AK9: variants seen among roughly 807,000 people sequenced by gnomAD.
The protein encoded by AK9 is adenylate kinase 9, also known as adenylate kinase domain containing 1.
A neutral mutation model predicts 239.6 loss-of-function variants in AK9; 191 were observed. The observed-to-expected ratio is 0.80, with a 90% CI of 0.71 to 0.90. The LOEUF is 0.90. Ranked by LOEUF, AK9 falls within the 40% of genes least tolerant of loss-of-function variation. The pLI is 0.00. For synonymous variants in AK9, 689 were observed against 721.0 expected (o/e 0.96, Z 0.71); for missense variants, 1,995 against 2,214.7 (o/e 0.90, Z 1.99).
intron 13 of AK9, 98 bp from the exon 14 acceptor site, chr6:109,614,578 G>T: frequency 2.1e-6 from 2 of 937,552 alleles, no homozygotes. Flanking sequence ...AGACACAGTT[G>T]AGTTTCAGTT....
At chr6:109,632,518 G>A (rs1038536581) in intron 12 of AK9, 2 of 241,290 alleles carry the variant, frequency 8.3e-6, no homozygotes, top group African/African-American at 4.6e-5. Flanking sequence ...AAGGTGTTGG[G>A]AGGATCATCT....
In AK9 at chr6:109,579,565, T is replaced by A. The variant is rs778016477; in HGVS notation, c.2176A>T (p.Lys726Ter). The A allele has an allele frequency of 3.9e-6, 6 of 1,551,494 alleles. No individual in the cohort carries two copies. The Admixed American group carries it at 5.9e-5, about 15-fold the overall frequency. Residue 726 changes from lysine (K) to a stop codon, truncating the protein, a stop_gained, in exon 20 of 41, where the codon AAA (lysine) becomes TAA (stop). Transcript: ENST00000424296. LOFTEE classifies it high-confidence loss of function. The part of the protein sequence containing the change: ...EENRRLLELM[K>*]VKAKEAEETD... ...CTGTGCTTGCCTTTTGCCTTCACTT[T>A]CATAAGTTCCAGTAGCCTTCGATTT...
intron 17 of AK9, 54 bp downstream of exon 17, chr6:109,610,311 T>C (rs553633607): frequency 2.3e-5 from 35 of 1,513,590 alleles, no homozygotes; most frequent in Non-Finnish European, 3.1e-5. Flanking sequence ...TAGATTAACA[T>C]TTTCTCAGTA....
intron 10 of AK9, among the ~76,000 whole-genome samples, chr6:109,636,749 A>ATC (rs1348417484): frequency 2.6e-5 from 1 of 38,714 alleles, no homozygotes; most frequent in Non-Finnish European, 4.7e-5. Context: ...ATAATATTCC[A>ATC]TCACACACAC....
chr6:109,576,974 G>A (rs953853222), intron 20 of AK9, among the ~76,000 whole-genome samples: 2 of 152,050 alleles, frequency 1.3e-5, no homozygotes, highest in Non-Finnish European at 2.9e-5. Context: ...GGGACTACAG[G>A]CACCCGCCAC....
chr6:109,509,102 G>A lies in AK9; in HGVS notation c.4481+77C>T, dbSNP rs191978134. The A allele has an allele frequency of 4.0e-5, 55 of 1,360,660 alleles. No homozygotes were observed. In the East Asian group the frequency reaches 1.3e-3, roughly 32 times the overall value. 84.3% of individuals were successfully genotyped at this position (1,360,660 alleles called of 1,614,324 possible). A position where few individuals can be genotyped will look rare whatever the true frequency, so the allele number is the denominator to read the frequency against. On this transcript the variant is annotated intron_variant, in intron 33 of 40. Transcript: ENST00000424296. ...TATAAGAGCTTTAAGCCCCATGTAA[G>A]TGTTTTAAATCACGAGCGAGCAGTT...
chr6:109,664,932 CG>C (rs1289192532), intron 5 of AK9, among the ~76,000 whole-genome samples: 1 of 151,454 alleles, frequency 6.6e-6, no homozygotes, highest in Non-Finnish European at 1.5e-5. Context: ...CCCAGCTACT[CG>C]GGAGGCTGAG....
intron 17 of AK9, among the ~76,000 whole-genome samples, chr6:109,608,375 G>A (rs571396214): frequency 2.0e-5 from 3 of 151,762 alleles, no homozygotes; most frequent in Admixed American, 2.0e-4. Context: ...GTCTATAAAG[G>A]GACTACACAT....
At chr6:109,573,098 A>C (rs905682649) in intron 21 of AK9, among the ~76,000 whole-genome samples, 1 of 152,224 alleles carries the variant, frequency 6.6e-6, no homozygotes, top group African/African-American at 2.4e-5. Context: ...TTAAATAGCA[A>C]ACAAAAAAAT....
intron 24 of AK9, among the ~76,000 whole-genome samples, chr6:109,553,599 G>T (rs1387806483): frequency 3.3e-5 from 5 of 152,064 alleles, no homozygotes; most frequent in Non-Finnish European, 5.9e-5. Context: ...AGAAGTTTTT[G>T]GGCTGAAATA....
chr6:109,497,749 T>C, intron 37 of AK9, 47 bp downstream of exon 37: 1 of 1,577,328 alleles, frequency 6.3e-7, no homozygotes, highest in Non-Finnish European at 8.6e-7. Context: ...AACCACTTCT[T>C]TGGCGTAGCA....
In AK9 at chr6:109,613,602, T is replaced by G. The variant is rs78682204; in HGVS notation, c.1609+581A>C. ...TCTAGAGAAATTGTGCAGTAACTTA[T>G]AATGAGGGTTAAAATATTTCCCAAT... On this transcript the variant is annotated intron_variant, in intron 15 of 40. Transcript: ENST00000424296. 5.3e-3 allele frequency among the ~76,000 whole-genome samples: 811 copies of G among 151,982 alleles called. 8 individuals are homozygous for G. Among genetic ancestry groups the G allele is most frequent in the African/African-American group, 0.019 (783 of 41,522 alleles).
At chr6:109,495,916 C>G (rs939179642) in intron 38 of AK9, among the ~76,000 whole-genome samples, 1 of 151,804 alleles carries the variant, frequency 6.6e-6, no homozygotes, top group Non-Finnish European at 1.5e-5. Flanking sequence ...GCCCTGGCAT[C>G]TTTGCCACTT....
At chr6:109,670,006 G>A (rs1159915578) in intron 5 of AK9, among the ~76,000 whole-genome samples, 1 of 152,068 alleles carries the variant, frequency 6.6e-6, no homozygotes, top group Non-Finnish European at 1.5e-5. Flanking sequence ...GACAAGTATC[G>A]GCATACAGGA....
chr6:109,631,859 A>C (rs1796115813), intron 12 of AK9: 2 of 152,252 alleles, frequency 1.3e-5, no homozygotes. Context: ...TGTTAAGTGA[A>C]AGAAGCCAGG....
At chr6:109,542,716 TA>T (rs1783056539) in intron 26 of AK9, among the ~76,000 whole-genome samples, 1 of 152,208 alleles carries the variant, frequency 6.6e-6, no homozygotes, top group African/African-American at 2.4e-5. Context: ...TATAAACATT[TA>T]AAAATTTGGG....
At chr6:109,641,347 T>TTG (rs1475177317) in intron 10 of AK9, among the ~76,000 whole-genome samples, 171 bp downstream of exon 10, 8 of 117,794 alleles carry the variant, frequency 6.8e-5, no homozygotes, top group African/African-American at 2.1e-4. Flanking sequence ...TTTTCTTTCT[T>TTG]TCTTTTTTTT....
intron 13 of AK9, among the ~76,000 whole-genome samples, chr6:109,615,777 T>C (rs920111473): frequency 2.0e-5 from 3 of 152,142 alleles, no homozygotes; most frequent in South Asian, 2.1e-4. Context: ...GTTTCAAGCA[T>C]GCAAAATGTT....
At chr6:109,636,433 C>T (rs563129949) in intron 10 of AK9, among the ~76,000 whole-genome samples, 44 of 151,942 alleles carry the variant, frequency 2.9e-4, no homozygotes, top group African/African-American at 9.2e-4. Flanking sequence ...GTTTTTGTAA[C>T]CACCTTTAAG....
Sources: allele counts gnomAD v4.1 joint callset (sites outside exome capture counted in the v4.1 genomes callset), GRCh38; gene constraint gnomAD v4.1.1; transcripts MANE v1.5; gene names NCBI Gene and HGNC (gene_info 2026-07-23, HGNC 2026-07-21).